The following DIAPH3 variants were observed in gnomAD, a reference collection of about 807,000 sequenced individuals.
DIAPH3 encodes protein diaphanous homolog 3.
A neutral mutation model predicts 144.3 loss-of-function variants in DIAPH3; 117 were observed. That is an observed-to-expected ratio of 0.81 (90% confidence interval 0.70 to 0.95). The LOEUF (loss-of-function observed/expected upper bound fraction) is 0.95, where lower values mean the gene tolerates loss of function less well. DIAPH3 is among the 40% of genes least tolerant of loss of function. The probability of loss-of-function intolerance (pLI) is 0.00; values close to 1 mark genes in which losing one functional copy is unlikely to be tolerated. For synonymous variants in DIAPH3, 519 were observed against 488.9 expected (o/e 1.06, Z -0.81); for missense variants, 1,421 against 1,412.7 (o/e 1.01, Z -0.09).
At chr13:59,824,644 G>C (rs1168756558) in intron 24 of DIAPH3, among the ~76,000 whole-genome samples, 1 of 152,170 alleles carries the variant, frequency 6.6e-6, no homozygotes, top group Non-Finnish European at 1.5e-5. Flanking sequence ...ACGGGAGAAA[G>C]AGACTGGATT....
intron 17 of DIAPH3, among the ~76,000 whole-genome samples, chr13:59,946,694 T>C (rs2048814335): frequency 6.6e-6 from 1 of 152,214 alleles, no homozygotes; most frequent in South Asian, 2.1e-4. Flanking sequence ...TTGTGTACAA[T>C]ATTTTAATTC....
chr13:60,081,002 C>T (rs903109140), intron 4 of DIAPH3, among the ~76,000 whole-genome samples: 5 of 151,926 alleles, frequency 3.3e-5, no homozygotes, highest in African/African-American at 1.2e-4. Flanking sequence ...GCTCATCAGG[C>T]CTGCTTAATT....
chr13:59,670,193 C>T (rs1025698073), intron 27 of DIAPH3, among the ~76,000 whole-genome samples: 1 of 152,144 alleles, frequency 6.6e-6, no homozygotes, highest in Non-Finnish European at 1.5e-5. Context: ...GTATTTATCT[C>T]CTCTGTGGTT....
At chr13:60,105,963 C>T (rs954041984) in intron 3 of DIAPH3, among the ~76,000 whole-genome samples, 1 of 151,920 alleles carries the variant, frequency 6.6e-6, no homozygotes, top group African/African-American at 2.4e-5. Flanking sequence ...AAAGTAATAG[C>T]TATGCATAAA....
chr13:60,108,145 T>C (rs760920976), intron 3 of DIAPH3, among the ~76,000 whole-genome samples: 1 of 152,248 alleles, frequency 6.6e-6, no homozygotes, highest in Non-Finnish European at 1.5e-5. Context: ...TGGATGATAC[T>C]GCATGGATAT....
rs74085187 is a variant in DIAPH3, at chr13:60,151,853, A to G, written c.180+11734T>C. On this transcript the variant is annotated intron_variant, in intron 1 of 27. Coordinates refer to ENST00000400324, the MANE Select transcript of DIAPH3 (RefSeq NM_001042517.2). ...TGAAATAGTCATATTGAATTTCTCAATGCAGATTATATGCACTCCATTTTT... is the reference window on the plus strand; with the variant it reads ...TGAAATAGTCATATTGAATTTCTCAGTGCAGATTATATGCACTCCATTTTT... Among the ~76,000 whole-genome samples the G allele has an allele frequency of 8.3e-3, 1,261 of 152,322 alleles. 20 individuals carry two copies. Among genetic ancestry groups the G allele is most frequent in the African/African-American group, 0.029 (1,191 of 41,570 alleles).
chr13:59,820,498 G>C (rs1011441239), intron 24 of DIAPH3, among the ~76,000 whole-genome samples: 2 of 151,692 alleles, frequency 1.3e-5, no homozygotes, highest in Non-Finnish European at 1.5e-5. Context: ...TTTTCTCCAC[G>C]AAAGTACTAC....
chr13:60,003,154 CAG>C (rs1193240148), intron 9 of DIAPH3, among the ~76,000 whole-genome samples: 1 of 152,102 alleles, frequency 6.6e-6, no homozygotes, highest in Non-Finnish European at 1.5e-5. Flanking sequence ...CTGACCACAG[CAG>C]AGAGTTGGGA....
intron 3 of DIAPH3, among the ~76,000 whole-genome samples, chr13:60,094,681 A>G (rs1321700834): frequency 6.6e-6 from 1 of 152,220 alleles, no homozygotes; most frequent in Non-Finnish European, 1.5e-5. Flanking sequence ...CTAGCAAGTT[A>G]AATTTCTTAC....
chr13:60,097,214 T>C (rs904562204), intron 3 of DIAPH3, among the ~76,000 whole-genome samples: 1 of 152,188 alleles, frequency 6.6e-6, no homozygotes, highest in Admixed American at 6.5e-5. Context: ...AATTTGGATG[T>C]TATCCCATGC....
At chr13:59,915,955 T>A (rs2047197792) in intron 19 of DIAPH3, among the ~76,000 whole-genome samples, 200 bp downstream of exon 19, 1 of 152,182 alleles carries the variant, frequency 6.6e-6, no homozygotes, top group African/African-American at 2.4e-5. Flanking sequence ...AATCATTTGA[T>A]AGCATTCTAT....
At chr13:59,896,434 AT>A (rs2046102718) in intron 20 of DIAPH3, among the ~76,000 whole-genome samples, 2 of 152,112 alleles carry the variant, frequency 1.3e-5, no homozygotes, top group Non-Finnish European at 2.9e-5. Flanking sequence ...CAGATACCAT[AT>A]TTTAAAAGTT....
At position 59,860,032 on chromosome 13, in the gene DIAPH3, A is replaced by G. The variant is rs187978331; in HGVS notation, c.2737+1375T>C. Among the ~76,000 whole-genome samples the G allele has an allele frequency of 5.3e-5, 8 of 152,262 alleles. No individual in the cohort carries two copies. The East Asian group carries it at 1.5e-3, about 29-fold the overall frequency. ...GTAAAAGGCTTATTTTTTGTCTTAC[A>G]AATCAAGACAGGCCATATGAAATAT... is the stretch of plus-strand genomic sequence containing the variant. On this transcript the variant is annotated intron_variant, in intron 22 of 27. Coordinates refer to ENST00000400324, the MANE Select transcript of DIAPH3 (RefSeq NM_001042517.2).
intron 4 of DIAPH3, among the ~76,000 whole-genome samples, chr13:60,065,353 T>A (rs1156405937): frequency 6.7e-6 from 1 of 150,170 alleles, no homozygotes; most frequent in African/African-American, 2.4e-5. Flanking sequence ...AAACTACAAC[T>A]ATTATAATAC....
intron 3 of DIAPH3, among the ~76,000 whole-genome samples, chr13:60,102,128 C>T (rs960768061): frequency 1.3e-5 from 2 of 152,108 alleles, no homozygotes; most frequent in Admixed American, 1.3e-4. Context: ...CCTACCCAAC[C>T]AATGCATTTA....
At chr13:59,713,391 T>A (rs991712001) in intron 27 of DIAPH3, among the ~76,000 whole-genome samples, 1 of 152,124 alleles carries the variant, frequency 6.6e-6, no homozygotes, top group Admixed American at 6.6e-5. Context: ...AAACTCTCAA[T>A]AAATGATCTC....
chr13:59,771,141 C>A (rs2038096919), intron 27 of DIAPH3, among the ~76,000 whole-genome samples: 1 of 151,976 alleles, frequency 6.6e-6, no homozygotes, highest in African/African-American at 2.4e-5. Context: ...GAATTTTTTT[C>A]TATTCTGAGA....
chr13:59,726,612 G>T (rs576900822), intron 27 of DIAPH3, among the ~76,000 whole-genome samples: 175 of 152,238 alleles, frequency 1.1e-3, no homozygotes, highest in African/African-American at 4.1e-3. Flanking sequence ...CTTAGCCATA[G>T]ATCCAGCCTG....
chr13:59,866,814 C>A (rs965920933), intron 21 of DIAPH3, among the ~76,000 whole-genome samples: 2 of 151,820 alleles, frequency 1.3e-5, no homozygotes, highest in African/African-American at 4.8e-5. Context: ...AAAATAGCAT[C>A]CCTAAAAATA....
Sources: allele counts gnomAD v4.1 joint callset (sites outside exome capture counted in the v4.1 genomes callset), GRCh38; gene constraint gnomAD v4.1.1; transcripts MANE v1.5; gene names NCBI Gene and HGNC (gene_info 2026-07-23, HGNC 2026-07-21).